RBFOX1: variants seen among roughly 807,000 people sequenced by gnomAD.
RBFOX1 encodes the protein RNA binding protein fox-1 homolog 1.
Under a neutral mutation model 57.7 loss-of-function variants are expected in RBFOX1, and 8 were observed. The ratio of observed to expected loss-of-function variants is 0.14; its 90% CI spans 0.08 to 0.25. The LOEUF (loss-of-function observed/expected upper bound fraction) is 0.25. Among genes scored for constraint, RBFOX1 ranks in the 10% least tolerant of loss-of-function variants. RBFOX1 has a pLI of 1.00. For synonymous variants in RBFOX1, 326 were observed against 222.4 expected, an observed-to-expected ratio of 1.47 and a Z score of -4.15; for missense variants, 611 against 548.5, an observed-to-expected ratio of 1.11 and a Z score of -1.14.
At chr16:7,270,952 G>C (rs956150592) in intron 4 of RBFOX1, among the ~76,000 whole-genome samples, 1 of 152,132 alleles carries the variant, frequency 6.6e-6, no homozygotes, top group Non-Finnish European at 1.5e-5. Flanking sequence ...TTACGGTGGG[G>C]CTGGGTGCTG....
At chr16:7,169,085 A>T (rs2080155574) in intron 4 of RBFOX1, among the ~76,000 whole-genome samples, 1 of 152,220 alleles carries the variant, frequency 6.6e-6, no homozygotes, top group Non-Finnish European at 1.5e-5. Context: ...GAAGTAGGCA[A>T]ATCATTCAGT....
chr16:7,435,135 C>T (rs1052396169), intron 4 of RBFOX1, among the ~76,000 whole-genome samples: 4 of 152,118 alleles, frequency 2.6e-5, no homozygotes, highest in Non-Finnish European at 5.9e-5. Context: ...GTTTTTACCT[C>T]GTTCTTTTCT....
At chr16:6,949,514 G>A (rs139396403) in intron 3 of RBFOX1, among the ~76,000 whole-genome samples, 134 of 152,302 alleles carry the variant, frequency 8.8e-4, no homozygotes, top group Admixed American at 3.3e-3. Flanking sequence ...GGCAGGGTCT[G>A]TTTCTTCTTG....
At chr16:6,914,677 C>T (rs1415584272) in intron 3 of RBFOX1, among the ~76,000 whole-genome samples, 1 of 152,154 alleles carries the variant, frequency 6.6e-6, no homozygotes, top group Non-Finnish European at 1.5e-5. Context: ...AGTTCAAGAT[C>T]AGCCTGGCCA....
intron 4 of RBFOX1, among the ~76,000 whole-genome samples, chr16:7,229,191 G>T (rs2093334520): frequency 6.6e-6 from 1 of 152,202 alleles, no homozygotes; most frequent in Admixed American, 6.5e-5. Flanking sequence ...GCTTCAGAAA[G>T]CGTCGGCCTT....
chr16:6,622,717 T>A (rs1029971), intron 2 of RBFOX1, among the ~76,000 whole-genome samples: 1 of 152,080 alleles, frequency 6.6e-6, no homozygotes, highest in Admixed American at 6.5e-5. Context: ...CCTGAGATTT[T>A]CTATTTTTAA....
chr16:7,331,947 A>T (rs116845661), intron 4 of RBFOX1, among the ~76,000 whole-genome samples: 2,476 of 152,262 alleles, frequency 0.016, 24 homozygotes, highest in Middle Eastern at 0.054. Flanking sequence ...TGTATTTTTT[A>T]TCCATAGTTT....
At chr16:6,859,187 A>ATATATACGTATATATATG (rs2058558101) in intron 3 of RBFOX1, among the ~76,000 whole-genome samples, 6 of 64,008 alleles carry the variant, frequency 9.4e-5, no homozygotes, top group Non-Finnish European at 1.5e-4. Flanking sequence ...ATATATATGT[A>ATATATACGTATATATATG]TATATATATG....
intron 4 of RBFOX1, among the ~76,000 whole-genome samples, chr16:7,229,842 G>C (rs2093386886): frequency 6.3e-5 from 1 of 15,908 alleles, no homozygotes; most frequent in Non-Finnish European, 1.2e-4. Flanking sequence ...GGGAGGAAGG[G>C]AGAGAGAGGG....
chr16:7,176,091 G>GT (rs2081593185), intron 4 of RBFOX1, among the ~76,000 whole-genome samples: 1 of 151,840 alleles, frequency 6.6e-6, no homozygotes, highest in Admixed American at 6.6e-5. Flanking sequence ...CGCTGGTGTG[G>GT]TTAGGAGCAT....
intron 4 of RBFOX1, among the ~76,000 whole-genome samples, chr16:7,356,507 G>A (rs1012152506): frequency 6.6e-6 from 1 of 152,140 alleles, no homozygotes; most frequent in Non-Finnish European, 1.5e-5. Context: ...GAGGAGCCTG[G>A]CAGGAAATGA....
chr16:5,830,660 G>C (rs564554387), intron 3 of RBFOX1, among the ~76,000 whole-genome samples: 2 of 152,246 alleles, frequency 1.3e-5, no homozygotes, highest in South Asian at 4.1e-4. Flanking sequence ...TGATCTTTGA[G>C]GCCAGATCAA....
At chr16:7,360,290 G>C (rs1007156450) in intron 4 of RBFOX1, among the ~76,000 whole-genome samples, 1 of 152,106 alleles carries the variant, frequency 6.6e-6, no homozygotes, top group African/African-American at 2.4e-5. Context: ...GACTCAAAAT[G>C]TGTCACATGT....
Position 6,918,600 on chromosome 16 carries a change from A to G in RBFOX1, c.-15-133457A>G, listed in dbSNP as rs189098584. Among the ~76,000 whole-genome samples, 541 of 152,258 alleles carry G rather than the reference A, an allele frequency of 3.6e-3. 8 individuals are homozygous for G. Among genetic ancestry groups the G allele is most frequent in the African/African-American group, 0.012 (507 of 41,548 alleles). ...GTAACCAGGGACATAAAAATGAATTATTTATCTTACCCAAATCTCATACCC... is the reference window on the plus strand; with the variant it reads ...GTAACCAGGGACATAAAAATGAATTGTTTATCTTACCCAAATCTCATACCC... On this transcript the variant is annotated intron_variant, in intron 3 of 15. Coordinates refer to ENST00000550418, the MANE Select transcript of RBFOX1 (RefSeq NM_018723.4).
intron 1 of RBFOX1, among the ~76,000 whole-genome samples, chr16:5,454,944 TTCCTTCCTTCCTTC>T (rs1567535736): frequency 4.4e-3 from 230 of 52,542 alleles, no homozygotes; most frequent in Middle Eastern, 8.2e-3. Context: ...CCTTCCTTCC[TTCCTTCCTTCCTTC>T]CTTTCTTTCT....
intron 3 of RBFOX1, among the ~76,000 whole-genome samples, chr16:6,693,351 C>G (rs2060518668): frequency 6.6e-6 from 1 of 151,720 alleles, no homozygotes; most frequent in African/African-American, 2.4e-5. Flanking sequence ...CCACTAGCAT[C>G]ACCGCCATCA....
chr16:6,200,015 A>G (rs1431744384), intron 1 of RBFOX1, among the ~76,000 whole-genome samples: 1 of 152,158 alleles, frequency 6.6e-6, no homozygotes, highest in African/African-American at 2.4e-5. Flanking sequence ...GTTGATGGAG[A>G]TAGCCAGGCC....
chr16:7,046,739 G>T (rs1270664205), intron 3 of RBFOX1, among the ~76,000 whole-genome samples: 1 of 151,120 alleles, frequency 6.6e-6, no homozygotes, highest in Non-Finnish European at 1.5e-5. Context: ...CCAAATAGCT[G>T]GGATTACAAG....
chr16:6,770,215 A>G (rs1483488349), intron 3 of RBFOX1, among the ~76,000 whole-genome samples: 3 of 152,108 alleles, frequency 2.0e-5, no homozygotes, highest in Non-Finnish European at 4.4e-5. Context: ...GAACTACAGA[A>G]TTTTTTGGGT....
Sources: allele counts gnomAD v4.1 joint callset (sites outside exome capture counted in the v4.1 genomes callset), GRCh38; gene constraint gnomAD v4.1.1; transcripts MANE v1.5; gene names NCBI Gene and HGNC (gene_info 2026-07-23, HGNC 2026-07-21).